The following PCDHGA9 variants were observed in gnomAD, a reference collection of about 807,000 sequenced individuals.
PCDHGA9 encodes protocadherin gamma subfamily A, 9, also known as protocadherin gamma-A9.
In PCDHGA9, 37 loss-of-function variants were observed where a neutral mutation model predicts 62.5. That is an observed-to-expected ratio of 0.59 (90% confidence interval 0.46 to 0.78). PCDHGA9 has a LOEUF of 0.78. Among genes scored for constraint, PCDHGA9 ranks in the 30% least tolerant of loss-of-function variants. The probability of loss-of-function intolerance (pLI) is 0.00; values close to 1 mark genes in which losing one functional copy is unlikely to be tolerated. For missense variants in PCDHGA9, 1,138 were observed against 1,166.2 expected (o/e 0.98, Z 0.35); for synonymous variants, 459 against 484.6 (o/e 0.95, Z 0.69).
rs779191558 is a variant in PCDHGA9 at position 141,491,465 on chromosome 5, A to T, written c.2425-3342A>T. 3.1e-6 allele frequency: 5 copies of T among 1,614,092 alleles called. No homozygotes were observed. Among genetic ancestry groups the T allele is most frequent in the Non-Finnish European group, 4.2e-6 (5 of 1,180,010 alleles). On this transcript the variant is annotated intron_variant, in intron 1 of 3. Transcript: ENST00000573521. The surrounding 1 kb of genome is among the most constrained non-coding windows in gnomAD (Gnocchi z 6.9). ...CAGGACTCACCCTCCCCGGACTTCT[A>T]TAAGCAGTCCAGCCCCAACCTGCAG... is the stretch of plus-strand genomic sequence containing the variant.
Position 141,431,547 on chromosome 5 carries a change from T to C in PCDHGA9, c.2424+26171T>C. On this transcript the variant is annotated intron_variant, in intron 1 of 3. Transcript: ENST00000573521. The surrounding 1 kb of genome is among the most constrained non-coding windows in gnomAD (Gnocchi z 4.8). ...CTGGCCTTGGGCACGCAGCTGCTTG[T>C]AGTCAACGCTACCGACCCTGACGAA... The C allele has an allele frequency of 1.2e-6, 2 of 1,614,096 alleles. No homozygotes were observed. The highest frequency in any genetic ancestry group is 2.2e-5 in the East Asian group (1 of 44,882).
chr5:141,476,978 C>A lies in PCDHGA9; in HGVS notation c.2425-17829C>A, dbSNP rs1468851988. The A allele has an allele frequency of 2.5e-6, 4 of 1,614,138 alleles. No individual in the cohort carries two copies. Among genetic ancestry groups the A allele is most frequent in the Admixed American group, 3.3e-5 (2 of 60,012 alleles). On this transcript the variant is annotated intron_variant, in intron 1 of 3. Transcript: ENST00000573521. This position sits in a 1 kb window ranked among gnomAD's most constrained non-coding sequence, Gnocchi z 7.6. ...TATTTACTCCTTCGGCAGCCACAAC[C>A]GCGCCGGCGTGCGGCAACTATTCGC...
chr5:141,413,081 C>A, intron 1 of PCDHGA9: 2 of 1,339,424 alleles, frequency 1.5e-6, no homozygotes, highest in Non-Finnish European at 2.0e-6. Context: ...GCCCAGGCTA[C>A]AGAGACACCC....
intron 1 of PCDHGA9, among the ~76,000 whole-genome samples, chr5:141,468,041 T>C (rs972340736): frequency 4.6e-5 from 7 of 152,120 alleles, no homozygotes; most frequent in Admixed American, 3.9e-4. Flanking sequence ...TTTAGAAAAC[T>C]AAGCCGGGCA....
intron 1 of PCDHGA9, chr5:141,414,450 A>C (rs759840643): frequency 9.3e-6 from 15 of 1,613,772 alleles, no homozygotes. Context: ...ACAATATCAC[A>C]GTGACAGCCA....
At position 141,432,902 on chromosome 5, in the gene PCDHGA9, A is replaced by C. The variant is rs992417865; in HGVS notation, c.2424+27526A>C. The C allele has an allele frequency of 1.2e-6, 2 of 1,614,028 alleles. No homozygotes were observed. The highest frequency in any genetic ancestry group is 2.7e-5 in the African/African-American group (2 of 74,924). On this transcript the variant is annotated intron_variant, in intron 1 of 3. Coordinates refer to ENST00000573521, the MANE Select transcript of PCDHGA9 (RefSeq NM_018921.3). The surrounding 1 kb of genome is among the most constrained non-coding windows in gnomAD (Gnocchi z 6.0). ...CTTCGTCATCTTGCTGCTGGCGCTCAGGCTGCGGCGCTGGCACAAGTCACG... is the reference window on the plus strand; with the variant it reads ...CTTCGTCATCTTGCTGCTGGCGCTCCGGCTGCGGCGCTGGCACAAGTCACG...
In PCDHGA9 at chr5:141,490,963, G is replaced by GC; in HGVS notation, c.2425-3838dup. 6.2e-7 allele frequency: 1 copy of GC among 1,613,760 alleles called. No individual in the cohort carries two copies. On this transcript the variant is annotated intron_variant, in intron 1 of 3. Transcript: ENST00000573521. This position sits in a 1 kb window ranked among gnomAD's most constrained non-coding sequence, Gnocchi z 5.4. ...CCCACGGCCAGACTGGGAACACTCA[G>GC]CCCCCCAGCGTCTCCCTCGCTCTGC...
intron 1 of PCDHGA9, chr5:141,479,269 A>G (rs1279389471): frequency 6.6e-6 from 1 of 152,374 alleles, no homozygotes; most frequent in African/African-American, 2.4e-5. Flanking sequence ...TAAAAGTAAT[A>G]ATTTATTTCA....
chr5:141,475,547 G>A (rs2099364977), intron 1 of PCDHGA9, among the ~76,000 whole-genome samples: 1 of 152,176 alleles, frequency 6.6e-6, no homozygotes, highest in Non-Finnish European at 1.5e-5. Context: ...AGTAGGGTCC[G>A]GCTAATTGTC....
At chr5:141,408,636 C>A in intron 1 of PCDHGA9, 1 of 1,614,024 alleles carries the variant, frequency 6.2e-7, no homozygotes, top group Non-Finnish European at 8.5e-7. Flanking sequence ...ATTTTCGAAT[C>A]TGCATCCGCT....
intron 1 of PCDHGA9, among the ~76,000 whole-genome samples, chr5:141,443,592 G>A (rs2098395439): frequency 6.6e-6 from 1 of 152,076 alleles, no homozygotes; most frequent in Admixed American, 6.6e-5. Context: ...AACAGAATGT[G>A]GTATATGAAA....
At chr5:141,475,090 A>G (rs991061660) in intron 1 of PCDHGA9, among the ~76,000 whole-genome samples, 1 of 152,264 alleles carries the variant, frequency 6.6e-6, no homozygotes, top group African/African-American at 2.4e-5. Flanking sequence ...CAATAATTTT[A>G]TAAAGATCCT....
chr5:141,505,302 G>GTAC, intron 2 of PCDHGA9, 91 bp from the exon 3 acceptor site: 5 of 1,592,714 alleles, frequency 3.1e-6, no homozygotes, highest in Non-Finnish European at 4.3e-6. Context: ...TAGGGTTAGG[G>GTAC]TACTAGGTTT....
chr5:141,508,647 C>T (rs1301017914), intron 3 of PCDHGA9, among the ~76,000 whole-genome samples: 4 of 152,090 alleles, frequency 2.6e-5, no homozygotes, highest in African/African-American at 9.7e-5. Flanking sequence ...CTCCGTCAGG[C>T]CCTTCCTGTC....
Position 141,431,442 on chromosome 5 carries a change from T to G in PCDHGA9, c.2424+26066T>G. 6.2e-7 allele frequency: 1 copy of G among 1,613,746 alleles called. No individual in the cohort carries two copies. The highest frequency in any genetic ancestry group is 1.7e-5 in the Admixed American group (1 of 60,014). The stretch of plus-strand genomic sequence containing the variant: ...CCGGTGCGCACAGGCACCGCGCGCA[T>G]CCGCGTGATGGTTCTGGATGCGAAC... On this transcript the variant is annotated intron_variant, in intron 1 of 3. Coordinates refer to ENST00000573521, the MANE Select transcript of PCDHGA9 (RefSeq NM_018921.3). This position sits in a 1 kb window ranked among gnomAD's most constrained non-coding sequence, Gnocchi z 4.8.
rs751214480 is a variant in PCDHGA9, at chr5:141,485,161, G to A, written c.2425-9646G>A. ...CGTCTCAGGAGCAAGTAGAGAATTA[G>A]CGGGCGGCAGCAATGCTCCGCAAGG... On this transcript the variant is annotated intron_variant, in intron 1 of 3. Transcript: ENST00000573521. The surrounding 1 kb of genome is among the most constrained non-coding windows in gnomAD (Gnocchi z 5.7). The A allele has an allele frequency of 8.1e-6, 13 of 1,603,712 alleles. No individual in the cohort carries two copies. The Admixed American group carries it at 2.0e-4, about 25-fold the overall frequency.
chr5:141,409,481 A>G (rs1589715212), intron 1 of PCDHGA9: 1 of 1,613,968 alleles, frequency 6.2e-7, no homozygotes, highest in Non-Finnish European at 8.5e-7. Context: ...AGCCACTGAC[A>G]GGGGCAAGCC....
chr5:141,415,885 C>A (rs778154458), intron 1 of PCDHGA9: 7 of 978,904 alleles, frequency 7.2e-6, no homozygotes, highest in Non-Finnish European at 9.6e-6. Context: ...ACAATATTGA[C>A]AATTCCTAAG....
At chr5:141,445,808 T>A (rs1004030960) in intron 1 of PCDHGA9, among the ~76,000 whole-genome samples, 1 of 152,182 alleles carries the variant, frequency 6.6e-6, no homozygotes, top group Non-Finnish European at 1.5e-5. Flanking sequence ...AATAAATAGA[T>A]GAAACTAATA....
Sources: gnomAD v4.1 joint callset for allele counts (sites outside exome capture counted in the v4.1 genomes callset) on GRCh38, gnomAD v4.1.1 for gene constraint, Gnocchi (gnomAD v3.1) non-coding constraint, MANE v1.5 for transcripts, NCBI Gene and HGNC (gene_info 2026-07-23, HGNC 2026-07-21) for gene names.